Variants in YIPF1 observed in about 807,000 individuals in gnomAD.
YIPF1 encodes Yip1 domain family member 1.
YIPF1 carries 22 observed loss-of-function variants against 37.0 expected under a neutral mutation model. The ratio of observed to expected loss-of-function variants is 0.59; its 90% CI spans 0.42 to 0.85. The LOEUF (loss-of-function observed/expected upper bound fraction) is 0.85. YIPF1 is among the 40% of genes least tolerant of loss of function. The pLI is 0.00. For missense variants in YIPF1, 355 were observed against 373.1 expected, an observed-to-expected ratio of 0.95 and a Z score of 0.40; for synonymous variants, 128 against 131.9, an observed-to-expected ratio of 0.97 and a Z score of 0.21.
At chr1:53,869,927 C>T (rs1650133407) in intron 7 of YIPF1, among the ~76,000 whole-genome samples, 1 of 145,092 alleles carries the variant, frequency 6.9e-6, no homozygotes, top group African/African-American at 2.6e-5. Flanking sequence ...GGCTAGAGTG[C>T]AGTAGCGTGA....
chr1:53,878,636 C>T lies in YIPF1; in HGVS notation c.276+6G>A. 1 of 1,599,076 alleles carries T rather than the reference C, an allele frequency of 6.3e-7. No homozygotes were observed. Among genetic ancestry groups the T allele is most frequent in the Non-Finnish European group, 8.5e-7 (1 of 1,176,978 alleles). On this transcript the variant is annotated splice_donor_region_variant and intron_variant, in intron 5 of 10. Coordinates refer to ENST00000072644, the MANE Select transcript of YIPF1 (RefSeq NM_018982.5). ...GTAAAAGGAAAGGTGAAATTGGTTT[C>T]CAAACCTGGTAGGTGTCCACATCAA...
intron 6 of YIPF1, among the ~76,000 whole-genome samples, chr1:53,877,225 G>C (rs1302306191): frequency 1.3e-5 from 2 of 152,192 alleles, no homozygotes; most frequent in Non-Finnish European, 2.9e-5. Context: ...GAATGAGACA[G>C]AGAAACCACC....
intron 10 of YIPF1, among the ~76,000 whole-genome samples, chr1:53,858,028 C>T (rs1479555284): frequency 6.7e-6 from 1 of 149,344 alleles, no homozygotes; most frequent in South Asian, 2.1e-4. Context: ...ATGTGATAGA[C>T]ACATGTTAGT....
chr1:53,867,896 C>T (rs527754843), intron 7 of YIPF1, among the ~76,000 whole-genome samples: 57 of 152,364 alleles, frequency 3.7e-4, no homozygotes, highest in African/African-American at 1.3e-3. Context: ...TCCTGTACCT[C>T]TCTCCTCTTC....
chr1:53,884,538 A>G (rs1172706737), intron 3 of YIPF1, among the ~76,000 whole-genome samples: 1 of 152,238 alleles, frequency 6.6e-6, no homozygotes. Flanking sequence ...ATGTGACTGC[A>G]TAATATTCCA....
chr1:53,882,463 T>C (rs1156511364), intron 4 of YIPF1, among the ~76,000 whole-genome samples: 1 of 152,068 alleles, frequency 6.6e-6, no homozygotes, highest in African/African-American at 2.4e-5. Flanking sequence ...TTTTTTTTTT[T>C]TTCTTTCTTC....
chr1:53,869,160 T>TCTCTCTCTCTCTCA (rs911930860), intron 7 of YIPF1, among the ~76,000 whole-genome samples: 3 of 137,982 alleles, frequency 2.2e-5, no homozygotes, highest in African/African-American at 8.4e-5. Flanking sequence ...TCTCTCTCTC[T>TCTCTCTCTCTCTCA]CACACACACA....
At chr1:53,858,489 A>C (rs1482812357) in intron 10 of YIPF1, among the ~76,000 whole-genome samples, 2 of 152,208 alleles carry the variant, frequency 1.3e-5, no homozygotes, top group African/African-American at 4.8e-5. Context: ...ACTATGTGCC[A>C]GGAGCTTTTA....
At position 53,866,941 on chromosome 1, in the gene YIPF1, A is replaced by G. The variant is rs372555346; in HGVS notation, c.482-17T>C. 114 of 1,598,304 alleles carry G rather than the reference A, an allele frequency of 7.1e-5. No individual in the cohort carries two copies. The African/African-American group carries it at 1.5e-3, about 21-fold the overall frequency. On this transcript the variant is annotated splice_polypyrimidine_tract_variant and intron_variant, in intron 7 of 10. Transcript: ENST00000072644. ...CTATGGACACTGAGGATGACAGGAC[A>G]CAAGTTTCAATCTCCATCATGCCTT...
chr1:53,867,804 C>T (rs1480856631), intron 7 of YIPF1, among the ~76,000 whole-genome samples: 2 of 152,214 alleles, frequency 1.3e-5, no homozygotes, highest in Non-Finnish European at 2.9e-5. Context: ...TCCAGTTATA[C>T]TTTCTTCCTT....
rs369762082 is a variant in YIPF1 at position 53,866,894 on chromosome 1, T to A, written c.512A>T (p.Tyr171Phe). 2 of 1,613,548 alleles carry A rather than the reference T, an allele frequency of 1.2e-6. No individual in the cohort carries two copies. The highest frequency in any genetic ancestry group is 2.7e-5 in the African/African-American group (2 of 74,906). The change falls in exon 8 of 11, where the codon TAT becomes TTT. Residue 171 changes from tyrosine to phenylalanine, a missense_variant. Physicochemically the swap from Tyr to Phe is conservative, Grantham distance 22 (BLOSUM62 3). Transcript: ENST00000072644. ...VSIAATIIYA[Y>F]AWLVPLALWG... ...GAGTGCAAGAGGAACCAGCCAGGCA[T>A]AGGCATAGATGATGGTAGCTGCTAT...
At chr1:53,878,838 T>G in intron 4 of YIPF1, 116 bp from the exon 5 acceptor site, 1 of 855,654 alleles carries the variant, frequency 1.2e-6, no homozygotes, top group Non-Finnish European at 1.7e-6. Context: ...AACAATAGGC[T>G]CTTCCACATT....
chr1:53,882,089 C>T (rs1650517264), intron 4 of YIPF1, among the ~76,000 whole-genome samples: 1 of 152,158 alleles, frequency 6.6e-6, no homozygotes, highest in South Asian at 2.1e-4. Flanking sequence ...AAGCCATTAT[C>T]CTTAGCAAAC....
At chr1:53,867,499 A>G (rs1650063265) in intron 7 of YIPF1, among the ~76,000 whole-genome samples, 1 of 151,334 alleles carries the variant, frequency 6.6e-6, no homozygotes. Context: ...CAGCCTCCCG[A>G]GTAGCTGGGA....
chr1:53,859,746 G>T (rs759666337), intron 10 of YIPF1, among the ~76,000 whole-genome samples: 1 of 152,210 alleles, frequency 6.6e-6, no homozygotes, highest in African/African-American at 2.4e-5. Context: ...CCCATATTGT[G>T]TTCTAGGAAA....
intron 6 of YIPF1, among the ~76,000 whole-genome samples, chr1:53,871,857 G>A (rs886383921): frequency 3.9e-5 from 6 of 151,904 alleles, no homozygotes; most frequent in Non-Finnish European, 5.9e-5. Context: ...AGATTACTTC[G>A]CTTATCTAAG....
chr1:53,883,703 T>G (rs1472206350), intron 3 of YIPF1, among the ~76,000 whole-genome samples: 2 of 152,348 alleles, frequency 1.3e-5, no homozygotes, highest in East Asian at 3.9e-4. Context: ...TTTTTTCCAG[T>G]AAGTCTACAT....
At position 53,866,280 on chromosome 1, in the gene YIPF1, G is replaced by T. The variant is rs142249295; in HGVS notation, c.751C>A (p.Arg251Ser). The change falls in exon 9 of 11, where the codon CGT becomes AGT. Residue 251 changes from arginine to serine, a missense_variant. Arg to Ser is a moderately radical substitution (Grantham distance 110). Coordinates refer to ENST00000072644, the MANE Select transcript of YIPF1 (RefSeq NM_018982.5). ...LLAMTFWPAV[R>S]EDNRRVALAT... ...AATGCAACGCGTCGGTTATCCTCAC[G>T]AACAGCTGGCCAAAATGTCATTGCC... is the stretch of plus-strand genomic sequence containing the variant. The T allele has an allele frequency of 4.3e-6, 7 of 1,614,128 alleles. No individual in the cohort carries two copies. Among genetic ancestry groups the T allele is most frequent in the South Asian group, 1.1e-5 (1 of 91,052 alleles).
chr1:53,872,219 C>CTA (rs1478869020), intron 6 of YIPF1, among the ~76,000 whole-genome samples: 1 of 152,158 alleles, frequency 6.6e-6, no homozygotes, highest in Non-Finnish European at 1.5e-5. Context: ...CCCCGGCTCT[C>CTA]TATCTTTCCT....
Sources: allele counts gnomAD v4.1 joint callset (sites outside exome capture counted in the v4.1 genomes callset), GRCh38; gene constraint gnomAD v4.1.1; transcripts MANE v1.5; gene names NCBI Gene and HGNC (gene_info 2026-07-23, HGNC 2026-07-21).